NRG3: variants seen among roughly 807,000 people sequenced by gnomAD.
NRG3 encodes pro-neuregulin-3, membrane-bound isoform.
Under a neutral mutation model 66.9 loss-of-function variants are expected in NRG3, and 31 were observed. The observed-to-expected ratio is 0.46, with a 90% CI of 0.35 to 0.63. The LOEUF is 0.63. NRG3 is among the 20% of genes least tolerant of loss of function. NRG3 has a pLI of 0.00. For missense variants in NRG3, 910 were observed against 878.9 expected (o/e 1.04, Z -0.45); for synonymous variants, 393 against 359.4 (o/e 1.09, Z -1.06).
intron 2 of NRG3, among the ~76,000 whole-genome samples, chr10:82,421,611 A>G (rs757948191): frequency 2.0e-5 from 3 of 152,066 alleles, no homozygotes; most frequent in African/African-American, 4.8e-5. Flanking sequence ...ATGCTTCTCT[A>G]GTGCTTATTC....
chr10:81,918,819 A>AAAAAACAAAAAC (rs869106493), intron 1 of NRG3, among the ~76,000 whole-genome samples: 49 of 488 alleles, frequency 0.1, no homozygotes, highest in East Asian at 0.5. Flanking sequence ...GGATTTTTGC[A>AAAAAACAAAAAC]AAAAACAAAA....
At chr10:81,902,099 G>A (rs767030966) in intron 1 of NRG3, among the ~76,000 whole-genome samples, 10 of 152,240 alleles carry the variant, frequency 6.6e-5, no homozygotes, top group Non-Finnish European at 1.3e-4. Context: ...GGATCTCTGC[G>A]TATTTTGTGA....
chr10:82,785,847 T>A (rs965394886), intron 3 of NRG3, among the ~76,000 whole-genome samples: 1 of 152,128 alleles, frequency 6.6e-6, no homozygotes, highest in African/African-American at 2.4e-5. Flanking sequence ...ATATTAATAG[T>A]GTGACAAAGG....
At position 82,825,077 on chromosome 10, in the gene NRG3, C is replaced by T. The variant is rs2135603441; in HGVS notation, c.1028-40334C>T. Among the ~76,000 whole-genome samples the T allele has an allele frequency of 2.0e-5, 3 of 152,268 alleles. No individual in the cohort carries two copies. The South Asian group carries it at 6.2e-4, about 32-fold the overall frequency. On this transcript the variant is annotated intron_variant, in intron 3 of 8. Coordinates refer to ENST00000372141, the MANE Select transcript of NRG3 (RefSeq NM_001010848.4). Reference sequence around the variant, plus strand: ...TGTATTATGCATCCAAGTCCTTTATCAGTTACATGATTTACAAATATTTTC... The same window carrying T: ...TGTATTATGCATCCAAGTCCTTTATTAGTTACATGATTTACAAATATTTTC...
chr10:82,575,667 A>G (rs187436344), intron 2 of NRG3, among the ~76,000 whole-genome samples: 7 of 151,922 alleles, frequency 4.6e-5, no homozygotes, highest in African/African-American at 1.7e-4. Flanking sequence ...AAACAAACAA[A>G]CAAAGACCAC....
At chr10:82,942,615 A>G (rs1345407983) in intron 4 of NRG3, among the ~76,000 whole-genome samples, 1 of 152,224 alleles carries the variant, frequency 6.6e-6, no homozygotes, top group Non-Finnish European at 1.5e-5. Context: ...AGAACAGTGG[A>G]GAGAATCTTT....
intron 1 of NRG3, among the ~76,000 whole-genome samples, chr10:81,922,596 TAA>T (rs1846361305): frequency 6.6e-6 from 1 of 152,222 alleles, no homozygotes; most frequent in African/African-American, 2.4e-5. Context: ...ATTGATTTAA[TAA>T]TTAGGATTTC....
chr10:82,521,332 TGGGGTGATTAC>T (rs1473901990), intron 2 of NRG3, among the ~76,000 whole-genome samples: 3 of 152,052 alleles, frequency 2.0e-5, no homozygotes, highest in Admixed American at 6.6e-5. Context: ...TGCTGAAAGT[TGGGGTGATTAC>T]GGACTTTTTT....
At chr10:81,972,023 G>A (rs2059952636) in intron 1 of NRG3, among the ~76,000 whole-genome samples, 1 of 152,086 alleles carries the variant, frequency 6.6e-6, no homozygotes, top group African/African-American at 2.4e-5. Context: ...ACTGGGCCAG[G>A]GATAGTGCCT....
At chr10:82,499,816 G>C (rs1385121574) in intron 2 of NRG3, among the ~76,000 whole-genome samples, 3 of 152,140 alleles carry the variant, frequency 2.0e-5, no homozygotes, top group Non-Finnish European at 4.4e-5. Flanking sequence ...TTTGAGGTGT[G>C]AAAAACCTTC....
At chr10:82,139,749 G>C (rs1294747308) in intron 1 of NRG3, among the ~76,000 whole-genome samples, 2 of 152,092 alleles carry the variant, frequency 1.3e-5, no homozygotes, top group African/African-American at 4.8e-5. Context: ...ATCTCCATCA[G>C]GTAATGGGAA....
intron 1 of NRG3, among the ~76,000 whole-genome samples, chr10:81,896,567 T>C (rs1843545188): frequency 6.6e-6 from 1 of 152,152 alleles, no homozygotes; most frequent in South Asian, 2.1e-4. Context: ...TACTGACTTT[T>C]CAATCTCTCC....
At chr10:82,475,890 G>T (rs1590263635) in intron 2 of NRG3, among the ~76,000 whole-genome samples, 1 of 152,122 alleles carries the variant, frequency 6.6e-6, no homozygotes, top group Non-Finnish European at 1.5e-5. Flanking sequence ...GTTATCAATA[G>T]AGTGAAAAGG....
Position 82,684,100 on chromosome 10 carries a change from C to CGTAGACAG in NRG3, c.954-54473_954-54466dup, listed in dbSNP as rs369589495. On this transcript the variant is annotated intron_variant, in intron 2 of 8. Transcript: ENST00000372141. ...AAACAATAAAGTAGCATTAGCTCCC[C>CGTAGACAG]GTAGACAGGTAATCCTATTATCTTT... Among the ~76,000 whole-genome samples the CGTAGACAG allele has an allele frequency of 3.3e-3, 504 of 152,216 alleles. 4 individuals carry two copies. Among genetic ancestry groups the CGTAGACAG allele is most frequent in the African/African-American group, 0.011 (476 of 41,534 alleles).
At chr10:82,974,665 A>G (rs2132599994) in intron 7 of NRG3, among the ~76,000 whole-genome samples, 1 of 152,324 alleles carries the variant, frequency 6.6e-6, no homozygotes, top group African/African-American at 2.4e-5. Flanking sequence ...TTCTTAGTGA[A>G]ATGTACAATA....
At chr10:82,291,181 C>T (rs1169428998) in intron 1 of NRG3, among the ~76,000 whole-genome samples, 1 of 151,786 alleles carries the variant, frequency 6.6e-6, no homozygotes, top group African/African-American at 2.4e-5. Context: ...CACGCACGCA[C>T]CAGTCACATT....
rs1564593629 is a variant in NRG3 at position 82,132,502 on chromosome 10, TATC to T, written c.824-226234_824-226232del. Among the ~76,000 whole-genome samples, 113 of 46,968 alleles carry T rather than the reference TATC, an allele frequency of 2.4e-3. 11 individuals carry two copies. Among genetic ancestry groups the T allele is most frequent in the African/African-American group, 7.8e-3 (110 of 14,120 alleles). The allele number at this position is 46,968 out of a possible 152,430, so 30.8% of individuals were successfully genotyped here. On this transcript the variant is annotated intron_variant, in intron 1 of 8. Coordinates refer to ENST00000372141, the MANE Select transcript of NRG3 (RefSeq NM_001010848.4). Reference sequence around the variant, plus strand: ...ATGATATATATATATGATATATATATATCATATATATATGATATATATGATATA... The same window carrying T: ...ATGATATATATATATGATATATATATATATATATATGATATATATGATATA...
intron 2 of NRG3, among the ~76,000 whole-genome samples, chr10:82,622,393 T>C (rs761374978): frequency 6.6e-6 from 1 of 151,994 alleles, no homozygotes; most frequent in Non-Finnish European, 1.5e-5. Flanking sequence ...TTAATGAAAA[T>C]CATTTACCCA....
At chr10:82,452,955 G>C (rs1415411013) in intron 2 of NRG3, among the ~76,000 whole-genome samples, 2 of 152,090 alleles carry the variant, frequency 1.3e-5, no homozygotes, top group Admixed American at 6.5e-5. Context: ...TTAGATGCAA[G>C]GGGTTCTATA....
Sources: gnomAD v4.1 joint callset for allele counts (sites outside exome capture counted in the v4.1 genomes callset) on GRCh38, gnomAD v4.1.1 for gene constraint, MANE v1.5 for transcripts, NCBI Gene and HGNC (gene_info 2026-07-23, HGNC 2026-07-21) for gene names.